Variants in USH1C observed in about 807,000 individuals in gnomAD.
USH1C encodes harmonin.
USH1C carries 90 observed loss-of-function variants against 119.3 expected under a neutral mutation model. The observed-to-expected ratio is 0.75, with a 90% CI of 0.64 to 0.90. USH1C has a LOEUF of 0.90. USH1C is among the 40% of genes least tolerant of loss of function. USH1C has a pLI of 0.00. For synonymous variants in USH1C, 465 were observed against 443.3 expected (o/e 1.05, Z -0.62); for missense variants, 1,165 against 1,167.7 (o/e 1.00, Z 0.03).
intron 14 of USH1C, chr11:17,517,587 G>C: frequency 9.6e-7 from 1 of 1,046,086 alleles, no homozygotes; most frequent in Non-Finnish European, 1.4e-6. Flanking sequence ...CTCCATGGGA[G>C]CTGTGAGGTC....
At chr11:17,533,579 G>C (rs1851094826) in intron 1 of USH1C, 8 of 605,310 alleles carry the variant, frequency 1.3e-5, no homozygotes, top group Non-Finnish European at 2.1e-5. Flanking sequence ...CCCAGGTGGG[G>C]CAATATGTGC....
At position 17,521,408 on chromosome 11, in the gene USH1C, C is replaced by T; in HGVS notation, c.1023G>A (p.Arg341=). The T allele has an allele frequency of 6.2e-7, 1 of 1,614,150 alleles. No individual in the cohort carries two copies. Among genetic ancestry groups the T allele is most frequent in the Middle Eastern group, 1.6e-4 (1 of 6,062 alleles). Residue 341 remains arginine, a synonymous_variant, in exon 13 of 27, where the codon AGG becomes AGA. Transcript: ENST00000005226. ...CTGCCTTCTGGGCAATTTCTTTTCT[C>T]CTTCTGAAACACAAATGCAGATTGG... ...LQEQQEMERQ[R]RKEIAQKAAE...
chr11:17,514,242 A>G (rs1163861122), intron 15 of USH1C, among the ~76,000 whole-genome samples: 1 of 152,202 alleles, frequency 6.6e-6, no homozygotes, highest in Non-Finnish European at 1.5e-5. Context: ...TTCTTGAGAC[A>G]GGGTCCTGCT....
intron 23 of USH1C, among the ~76,000 whole-genome samples, chr11:17,498,512 A>G (rs895860774): frequency 1.3e-5 from 2 of 152,136 alleles, no homozygotes. Flanking sequence ...CCTGGATATC[A>G]TTGATGATGA....
chr11:17,517,689 T>C (rs573726781), intron 14 of USH1C, among the ~76,000 whole-genome samples: 53 of 152,194 alleles, frequency 3.5e-4, no homozygotes, highest in Non-Finnish European at 5.7e-4. Context: ...AGCTTTAGTT[T>C]TTCTGTCTGT....
intron 15 of USH1C, among the ~76,000 whole-genome samples, chr11:17,513,345 C>A (rs532360694): frequency 3.9e-5 from 6 of 152,224 alleles, no homozygotes; most frequent in Admixed American, 6.5e-5. Context: ...CACCCCCGCC[C>A]CCAACAAGCC....
chr11:17,524,326 T>C (rs1850559535), intron 9 of USH1C, 125 bp downstream of exon 9: 1 of 1,048,340 alleles, frequency 9.5e-7, no homozygotes, highest in Non-Finnish European at 1.4e-6. Flanking sequence ...TGGGTAGGGC[T>C]CCTACTCCCT....
chr11:17,507,036 C>G (rs980906514), intron 18 of USH1C, among the ~76,000 whole-genome samples: 1 of 152,218 alleles, frequency 6.6e-6, no homozygotes, highest in Non-Finnish European at 1.5e-5. Context: ...CTGAAAACCC[C>G]CCTATGGCCG....
rs534492370 is a variant in USH1C at position 17,511,341 on chromosome 11, G to A, written c.1413+561C>T. Among the ~76,000 whole-genome samples the A allele has an allele frequency of 2.6e-5, 4 of 152,174 alleles. No homozygotes were observed. The South Asian group carries it at 6.2e-4, about 24-fold the overall frequency. ...CTCAGAGCCAAGCTAAGTTGGGTGG[G>A]GGGGGGTCTGGTCTTACAATAACCT... On this transcript the variant is annotated intron_variant, in intron 16 of 26. Coordinates refer to ENST00000005226, the MANE Select transcript of USH1C (RefSeq NM_153676.4).
chr11:17,526,658 G>T, intron 7 of USH1C, 95 bp downstream of exon 7: 1 of 1,393,512 alleles, frequency 7.2e-7, no homozygotes, highest in Non-Finnish European at 1.0e-6. Flanking sequence ...AGCCCCTGAG[G>T]GTGCATCTCT....
chr11:17,526,295 C>T (rs1565056423), intron 8 of USH1C, 52 bp downstream of exon 8: 1 of 1,489,238 alleles, frequency 6.7e-7, no homozygotes. Flanking sequence ...GCAATAGGGG[C>T]CTGCTGGGGT....
At chr11:17,521,563 T>C (rs1850415768) in intron 12 of USH1C, 152 bp from the exon 13 acceptor site, 1 of 761,610 alleles carries the variant, frequency 1.3e-6, no homozygotes, top group Middle Eastern at 2.2e-4. Context: ...GGGGACGTTA[T>C]CTAACAAAGT....
rs121908370 is a variant in USH1C at position 17,533,268 on chromosome 11, G to C, written c.91C>G (p.Arg31Gly). The C allele has an allele frequency of 1.1e-5, 17 of 1,613,690 alleles. No homozygotes were observed. Among genetic ancestry groups the C allele is most frequent in the Non-Finnish European group, 1.3e-5 (15 of 1,179,744 alleles). Reference sequence around the variant, plus strand: ...CAGCACACTTACTGGTGGTACATTCGCAGCACATCATAGAGATAGTCCTTC... The same window carrying C: ...CAGCACACTTACTGGTGGTACATTCCCAGCACATCATAGAGATAGTCCTTC... ...AEKDYLYDVLRMYHQTMDVAV... is the reference protein window; with the variant it reads ...AEKDYLYDVLGMYHQTMDVAV... The change falls in exon 2 of 27, where the codon CGA becomes GGA. Residue 31 changes from arginine (R) to glycine (G), a missense_variant. Coordinates refer to ENST00000005226, the MANE Select transcript of USH1C (RefSeq NM_153676.4).
At chr11:17,523,516 T>G (rs370098627) in intron 9 of USH1C, 38 bp from the exon 10 acceptor site, 7 of 1,606,052 alleles carry the variant, frequency 4.4e-6, no homozygotes, top group African/African-American at 2.7e-5. Flanking sequence ...GTGTTTGCGC[T>G]ATCTGTACAC....
intron 1 of USH1C, among the ~76,000 whole-genome samples, chr11:17,542,683 T>G (rs1851517286): frequency 6.6e-6 from 1 of 152,220 alleles, no homozygotes; most frequent in Non-Finnish European, 1.5e-5. Flanking sequence ...AGACCTGATG[T>G]TATTTCAGGC....
chr11:17,517,502 G>A (rs749087195), intron 14 of USH1C: 2 of 1,569,386 alleles, frequency 1.3e-6, no homozygotes, highest in Non-Finnish European at 1.7e-6. Flanking sequence ...GAGGAAGCTG[G>A]TGAACCAAAA....
chr11:17,504,606 T>C (rs1476383750), intron 20 of USH1C, 41 bp downstream of exon 20: 1 of 1,607,816 alleles, frequency 6.2e-7, no homozygotes, highest in South Asian at 1.1e-5. Flanking sequence ...GGGACGGGGG[T>C]GGTGGGGAGA....
chr11:17,504,815 G>T, intron 19 of USH1C, 118 bp from the exon 20 acceptor site: 1 of 1,029,870 alleles, frequency 9.7e-7, no homozygotes, highest in Non-Finnish European at 1.5e-6. Context: ...GTCCCTCCCC[G>T]AGCAGTCTGG....
At chr11:17,534,121 A>T (rs928030699) in intron 1 of USH1C, among the ~76,000 whole-genome samples, 2 of 152,254 alleles carry the variant, frequency 1.3e-5, no homozygotes, top group African/African-American at 2.4e-5. Context: ...TCTTCAGCCC[A>T]AGAACGGGTA....
Sources: allele counts gnomAD v4.1 joint callset (sites outside exome capture counted in the v4.1 genomes callset), GRCh38; gene constraint gnomAD v4.1.1; transcripts MANE v1.5; gene names NCBI Gene and HGNC (gene_info 2026-07-23, HGNC 2026-07-21).